Variants in KIF5C observed in about 807,000 individuals in gnomAD.
KIF5C encodes the protein kinesin family member 5C.
In KIF5C, 18 loss-of-function variants were observed where a neutral mutation model predicts 125.2. The ratio of observed to expected loss-of-function variants is 0.14; its 90% CI spans 0.10 to 0.21. KIF5C has a LOEUF of 0.21. Among genes scored for constraint, KIF5C ranks in the 10% least tolerant of loss-of-function variants. The pLI is 1.00. For synonymous variants in KIF5C, 405 were observed against 434.0 expected (o/e 0.93, Z 0.83); for missense variants, 780 against 1,183.8 (o/e 0.66, Z 5.01).
At chr2:148,934,348 A>G (rs957571339) in intron 3 of KIF5C, among the ~76,000 whole-genome samples, 3 of 151,580 alleles carry the variant, frequency 2.0e-5, no homozygotes, top group African/African-American at 7.3e-5. Context: ...ACACATCCAT[A>G]TAGACACGCA....
Position 149,025,606 on chromosome 2 carries a change from T to A in KIF5C, c.*2536T>A, listed in dbSNP as rs1008844312. 1 of 152,234 alleles carries A rather than the reference T, an allele frequency of 6.6e-6. No homozygotes were observed. The highest frequency in any genetic ancestry group is 2.4e-5 in the African/African-American group (1 of 41,460). The allele number at this position is 152,234 out of a possible 1,614,324, so 9.4% of individuals were successfully genotyped here. A position where few individuals can be genotyped will look rare whatever the true frequency, so the allele number is the denominator to read the frequency against. On this transcript the variant is annotated 3_prime_UTR_variant, in exon 26 of 26. Coordinates refer to ENST00000435030, the MANE Select transcript of KIF5C (RefSeq NM_004522.3). ...CAGCTTTTGACTAGCATGTATTGTG[T>A]CTTTTTCTCCTCTATGAATAATTTT...
intron 11 of KIF5C, among the ~76,000 whole-genome samples, chr2:148,968,041 T>G (rs932339387): frequency 9.2e-5 from 14 of 152,184 alleles, no homozygotes; most frequent in African/African-American, 3.1e-4. Flanking sequence ...TCTGATACTT[T>G]GAATTTTGCA....
chr2:148,995,824 T>G (rs1446287496), intron 17 of KIF5C, among the ~76,000 whole-genome samples: 1 of 152,220 alleles, frequency 6.6e-6, no homozygotes, highest in East Asian at 1.9e-4. Flanking sequence ...AAAATCACAA[T>G]ATATCATTGT....
intron 11 of KIF5C, among the ~76,000 whole-genome samples, chr2:148,965,139 A>G (rs1683017939): frequency 6.6e-6 from 1 of 152,132 alleles, no homozygotes; most frequent in South Asian, 2.1e-4. Context: ...GAGGAGAACC[A>G]GGGGTGAGGG....
intron 8 of KIF5C, among the ~76,000 whole-genome samples, chr2:148,948,356 C>CA (rs1158381843): frequency 5.3e-3 from 417 of 78,012 alleles, no homozygotes; most frequent in Middle Eastern, 0.017. Flanking sequence ...GACTCTGTCT[C>CA]AAAAAAAAAA....
intron 2 of KIF5C, among the ~76,000 whole-genome samples, chr2:148,928,253 C>T (rs933432453): frequency 5.9e-5 from 9 of 152,176 alleles, no homozygotes; most frequent in Admixed American, 5.9e-4. Context: ...GTAGATGGAG[C>T]TGATTGCCTG....
chr2:149,002,769 G>A (rs934102564), intron 21 of KIF5C, among the ~76,000 whole-genome samples: 2 of 152,072 alleles, frequency 1.3e-5, no homozygotes, highest in African/African-American at 4.8e-5. Flanking sequence ...AACCACCTCC[G>A]TTCACAGGCA....
chr2:148,883,682 C>T (rs1681432885), intron 1 of KIF5C: 1 of 152,016 alleles, frequency 6.6e-6, no homozygotes. Flanking sequence ...ATGCTGATGT[C>T]TGAAGTCTAA....
intron 1 of KIF5C, among the ~76,000 whole-genome samples, chr2:148,890,877 A>G (rs1681689777): frequency 6.6e-6 from 1 of 152,210 alleles, no homozygotes; most frequent in South Asian, 2.1e-4. Flanking sequence ...CCAAAAGGAT[A>G]AATATATGAA....
chr2:148,994,365 G>A, intron 16 of KIF5C, 56 bp from the exon 17 acceptor site: 4 of 1,535,136 alleles, frequency 2.6e-6, no homozygotes, highest in Non-Finnish European at 3.5e-6. Context: ...ACAATTCCAG[G>A]CCAGCCTGGA....
At chr2:148,940,803 G>A (rs763165030) in intron 4 of KIF5C, among the ~76,000 whole-genome samples, 1 of 152,134 alleles carries the variant, frequency 6.6e-6, no homozygotes, top group Non-Finnish European at 1.5e-5. Flanking sequence ...TACAATTGAG[G>A]CCTAGGGTCT....
chr2:148,998,541 G>C (rs761145018), intron 19 of KIF5C, 32 bp downstream of exon 19: 1 of 1,550,970 alleles, frequency 6.4e-7, no homozygotes, highest in South Asian at 1.2e-5. Context: ...GGGGTGTGGG[G>C]GTGGTCATGC....
At chr2:148,953,822 A>G (rs1469134161) in intron 10 of KIF5C, among the ~76,000 whole-genome samples, 1 of 152,182 alleles carries the variant, frequency 6.6e-6, no homozygotes, top group Non-Finnish European at 1.5e-5. Flanking sequence ...AGCATTCTTC[A>G]GGATTATAGG....
chr2:149,001,287 A>G (rs1432082265), intron 21 of KIF5C, among the ~76,000 whole-genome samples: 1 of 152,286 alleles, frequency 6.6e-6, no homozygotes, highest in African/African-American at 2.4e-5. Flanking sequence ...TGAGGATGTG[A>G]CCTTTGAGCA....
At chr2:148,973,981 G>T (rs922169656) in intron 12 of KIF5C, among the ~76,000 whole-genome samples, 3 of 152,196 alleles carry the variant, frequency 2.0e-5, no homozygotes, top group Non-Finnish European at 2.9e-5. Flanking sequence ...TAGCAGTGTG[G>T]TCTGATGGCT....
chr2:148,984,430 G>A (rs755685682), intron 15 of KIF5C, among the ~76,000 whole-genome samples: 9 of 152,186 alleles, frequency 5.9e-5, no homozygotes, highest in Non-Finnish European at 1.2e-4. Flanking sequence ...ACAATGTCAA[G>A]TTCTCAGGCT....
At chr2:148,913,093 G>A (rs533226629) in intron 1 of KIF5C, among the ~76,000 whole-genome samples, 3 of 152,154 alleles carry the variant, frequency 2.0e-5, no homozygotes, top group Non-Finnish European at 1.5e-5. Context: ...CATTTTCCTT[G>A]TAATTTATGG....
intron 1 of KIF5C, among the ~76,000 whole-genome samples, chr2:148,913,092 T>G (rs990103605): frequency 6.6e-6 from 1 of 152,240 alleles, no homozygotes; most frequent in Admixed American, 6.5e-5. Context: ...ACATTTTCCT[T>G]GTAATTTATG....
intron 15 of KIF5C, among the ~76,000 whole-genome samples, chr2:148,985,687 A>G (rs1681362301): frequency 6.6e-6 from 1 of 152,240 alleles, no homozygotes; most frequent in African/African-American, 2.4e-5. Flanking sequence ...GCTGAATTCT[A>G]CATCAGTCTG....
Sources: allele counts gnomAD v4.1 joint callset (sites outside exome capture counted in the v4.1 genomes callset), GRCh38; gene constraint gnomAD v4.1.1; transcripts MANE v1.5; gene names NCBI Gene and HGNC (gene_info 2026-07-23, HGNC 2026-07-21).